ARHGAP6: variants seen among roughly 807,000 people sequenced by gnomAD.
ARHGAP6 encodes the protein Rho GTPase activating protein 6.
A neutral mutation model predicts 55.7 loss-of-function variants in ARHGAP6; 16 were observed. The observed-to-expected ratio is 0.29, with a 90% confidence interval of 0.19 to 0.44. The LOEUF is 0.44. ARHGAP6 is among the 20% of genes least tolerant of loss of function. ARHGAP6 has a pLI of 1.00. For synonymous variants in ARHGAP6, 382 were observed against 360.9 expected (o/e 1.06, Z -0.66); for missense variants, 698 against 808.9 (o/e 0.86, Z 1.66).
At chrX:11,519,662 G>C (rs1025355633) in intron 1 of ARHGAP6, among the ~76,000 whole-genome samples, 4 of 109,200 alleles carry the variant, frequency 3.7e-5, no homozygotes, top group Admixed American at 9.9e-5. Context: ...GAACAGAACA[G>C]AGCCCTCAGA....
chrX:11,354,295 TTC>T (rs1206233633), intron 1 of ARHGAP6, among the ~76,000 whole-genome samples: 4,581 of 40,585 alleles, frequency 0.11, 255 homozygotes, highest in Non-Finnish European at 0.16. Context: ...CTCTCTCTCT[TTC>T]TCTCTCTCTC....
chrX:11,228,441 C>T (rs2047084972), intron 2 of ARHGAP6, among the ~76,000 whole-genome samples: 1 of 111,904 alleles, frequency 8.9e-6, no homozygotes, highest in African/African-American at 3.2e-5. Context: ...ATCTAATTTA[C>T]CCTGTTTAAA....
chrX:11,193,628 G>A (rs1300341613), intron 3 of ARHGAP6, among the ~76,000 whole-genome samples: 1 of 112,252 alleles, frequency 8.9e-6, no homozygotes, highest in East Asian at 2.8e-4. Context: ...TAGTTGGGTG[G>A]GTGATATGTC....
chrX:11,174,592 T>TTTCTTTCTTTC (rs2046157974), intron 8 of ARHGAP6, among the ~76,000 whole-genome samples: 1 of 67,437 alleles, frequency 1.5e-5, no homozygotes, highest in African/African-American at 5.1e-5. Flanking sequence ...CTTTCTTTCT[T>TTTCTTTCTTTC]TTTCTTTCTT....
intron 3 of ARHGAP6, among the ~76,000 whole-genome samples, chrX:11,195,775 A>G (rs2046526561): frequency 9.3e-6 from 1 of 107,957 alleles, no homozygotes; most frequent in Admixed American, 1.0e-4. Context: ...CAATTTACCT[A>G]TATAAGAAAC....
intron 1 of ARHGAP6, among the ~76,000 whole-genome samples, chrX:11,358,838 T>C (rs777046439): frequency 1.8e-5 from 2 of 111,972 alleles, no homozygotes; most frequent in African/African-American, 6.5e-5. Flanking sequence ...AATTCTTCTG[T>C]AAATTCTTTT....
chrX:11,173,913 A>G (rs1323178363), intron 8 of ARHGAP6, among the ~76,000 whole-genome samples: 1 of 111,830 alleles, frequency 8.9e-6, no homozygotes, highest in Non-Finnish European at 1.9e-5. Context: ...TGAGCTTTCA[A>G]GCTTCTTGAC....
chrX:11,351,496 C>T, intron 1 of ARHGAP6: 3 of 945,413 alleles, frequency 3.2e-6, no homozygotes, highest in Non-Finnish European at 4.0e-6. Flanking sequence ...TCCCCTCCAT[C>T]TCGTCCTGCT....
chrX:11,345,169 T>C (rs183911245), intron 1 of ARHGAP6, among the ~76,000 whole-genome samples: 37 of 112,184 alleles, frequency 3.3e-4, no homozygotes, highest in African/African-American at 1.2e-3. Flanking sequence ...CAGTCTTCGA[T>C]GGGCAGAAAA....
chrX:11,595,096 C>T (rs1019268050), intron 1 of ARHGAP6, among the ~76,000 whole-genome samples: 8 of 111,037 alleles, frequency 7.2e-5, no homozygotes, highest in African/African-American at 2.6e-4. Context: ...TGAGACCAGC[C>T]TGGCCAACAT....
At chrX:11,353,433 C>T (rs769740313) in intron 1 of ARHGAP6, among the ~76,000 whole-genome samples, 7 of 111,650 alleles carry the variant, frequency 6.3e-5, no homozygotes, top group Admixed American at 4.8e-4. Context: ...AAACTTCTTC[C>T]TTTCAGGACA....
intron 1 of ARHGAP6, among the ~76,000 whole-genome samples, chrX:11,531,838 T>C (rs1242166003): frequency 1.8e-5 from 2 of 112,445 alleles, no homozygotes; most frequent in Admixed American, 9.4e-5. Flanking sequence ...ACGTGGTTTC[T>C]CTTATTAGCT....
At chrX:11,594,146 C>G (rs2051872710) in intron 1 of ARHGAP6, among the ~76,000 whole-genome samples, 2 of 111,292 alleles carry the variant, frequency 1.8e-5, no homozygotes, top group Non-Finnish European at 3.8e-5. Context: ...TTATTTCTCT[C>G]AGCCCCACCC....
intron 1 of ARHGAP6, among the ~76,000 whole-genome samples, chrX:11,330,017 T>C (rs2048543127): frequency 8.8e-6 from 1 of 113,145 alleles, no homozygotes; most frequent in African/African-American, 3.2e-5. Flanking sequence ...TATTCGCAAG[T>C]GGATTCCAGC....
intron 1 of ARHGAP6, among the ~76,000 whole-genome samples, chrX:11,538,339 C>T (rs1222854848): frequency 8.9e-6 from 1 of 111,941 alleles, no homozygotes; most frequent in Non-Finnish European, 1.9e-5. Flanking sequence ...CATGTGCCCA[C>T]ACTCAGTGAA....
chrX:11,489,501 C>G (rs1336844227), intron 1 of ARHGAP6, among the ~76,000 whole-genome samples: 1 of 112,776 alleles, frequency 8.9e-6, no homozygotes, highest in Non-Finnish European at 1.9e-5. Context: ...GTAGCAACAA[C>G]TCAACTCTGC....
intron 1 of ARHGAP6, among the ~76,000 whole-genome samples, chrX:11,493,379 T>C (rs2050590917): frequency 8.9e-6 from 1 of 111,901 alleles, no homozygotes; most frequent in South Asian, 3.8e-4. Flanking sequence ...GACTGCATCA[T>C]GGGAACTAGG....
chrX:11,263,731 A>T (rs1421710976), intron 1 of ARHGAP6, among the ~76,000 whole-genome samples: 1 of 111,447 alleles, frequency 9.0e-6, no homozygotes, highest in Non-Finnish European at 1.9e-5. Context: ...CTGGTGGCTA[A>T]AAGCAAGGGG....
intron 1 of ARHGAP6, among the ~76,000 whole-genome samples, chrX:11,415,259 C>T (rs189237928): frequency 9.0e-6 from 1 of 111,548 alleles, no homozygotes; most frequent in East Asian, 2.8e-4. Context: ...GGACGAGTGT[C>T]GCAATTCTGT....
Sources: gnomAD v4.1 joint callset for allele counts (sites outside exome capture counted in the v4.1 genomes callset) on GRCh38, gnomAD v4.1.1 for gene constraint, MANE v1.5 for transcripts, NCBI Gene and HGNC (gene_info 2026-07-23, HGNC 2026-07-21) for gene names.